The following NXPE2 variants were observed in gnomAD, a reference collection of about 807,000 sequenced individuals.
NXPE2 encodes the protein NXPE family member 2.
Under a neutral mutation model 34.4 loss-of-function variants are expected in NXPE2, and 34 were observed. The observed-to-expected ratio is 0.99, with a 90% CI of 0.75 to 1.31. The LOEUF (loss-of-function observed/expected upper bound fraction) is 1.31, where lower values mean the gene tolerates loss of function less well. Among genes scored for constraint, NXPE2 ranks in the 40% most tolerant of loss-of-function variants. The pLI, the probability that NXPE2 is intolerant of heterozygous loss-of-function variation, is 0.00. For synonymous variants in NXPE2, 235 were observed against 231.3 expected (o/e 1.02, Z -0.15); for missense variants, 649 against 672.5 (o/e 0.97, Z 0.39).
the NXPE2 span, among the ~76,000 whole-genome samples, chr11:114,738,928 T>G: frequency 5.9e-5 from 9 of 152,246 alleles, no homozygotes; most frequent in Non-Finnish European, 1.0e-4. Flanking sequence ...TGTGCTTTAC[T>G]ATTTTATTAA....
At chr11:114,537,887 C>T in the NXPE2 span, among the ~76,000 whole-genome samples, 1 of 152,082 alleles carries the variant, frequency 6.6e-6, no homozygotes, top group African/African-American at 2.4e-5. Flanking sequence ...ATGCCATCCC[C>T]ATCAAGCTAC....
the NXPE2 span, among the ~76,000 whole-genome samples, chr11:114,607,683 C>A: frequency 6.9e-6 from 1 of 145,152 alleles, no homozygotes; most frequent in Non-Finnish European, 1.5e-5. Flanking sequence ...TGTTGAGTTG[C>A]GGGTAACCAC....
At position 114,706,884 on chromosome 11, in the gene NXPE2, A is replaced by G. The variant is rs1206025863; in HGVS notation, c.1634A>G (p.Tyr545Cys). ...YCTNNAHPPD[Y>C]VIQNQIGMFL... ...ACCAACAATGCCCATCCACCGGATT[A>G]TGTGATTCAAAATCAGATTGGCATG... is the stretch of plus-strand genomic sequence containing the variant. Residue 545 changes from tyrosine to cysteine, a missense_variant, in exon 6 of 6, where the codon TAT (tyrosine) becomes TGT (cysteine). Coordinates refer to ENST00000389586, the MANE Select transcript of NXPE2 (RefSeq NM_182495.6). The G allele has an allele frequency of 6.4e-7, 1 of 1,550,984 alleles. No individual in the cohort carries two copies. Among genetic ancestry groups the G allele is most frequent in the African/African-American group, 1.4e-5 (1 of 73,042 alleles).
the NXPE2 span, among the ~76,000 whole-genome samples, chr11:114,532,126 G>A: frequency 6.6e-6 from 1 of 152,154 alleles, no homozygotes; most frequent in Admixed American, 6.6e-5. Flanking sequence ...AGGCCTGGCT[G>A]CACTGCACCC....
At chr11:114,678,948 T>A (rs898208428) in intron 1 of NXPE2, among the ~76,000 whole-genome samples, 11 of 151,512 alleles carry the variant, frequency 7.3e-5, no homozygotes, top group African/African-American at 2.7e-4. Flanking sequence ...TGTTTTTATT[T>A]TTTTTACTAT....
the NXPE2 span, among the ~76,000 whole-genome samples, chr11:114,713,720 G>A: frequency 6.6e-6 from 1 of 152,168 alleles, no homozygotes; most frequent in Admixed American, 6.5e-5. Flanking sequence ...CTGAATCAAC[G>A]TTAGGAGGCA....
At chr11:114,605,911 A>G in the NXPE2 span, among the ~76,000 whole-genome samples, 5 of 151,408 alleles carry the variant, frequency 3.3e-5, no homozygotes, top group African/African-American at 1.2e-4. Context: ...CCGGTTTATA[A>G]TAAGTGTTGC....
chr11:114,519,872 C>T, the NXPE2 span, among the ~76,000 whole-genome samples: 1 of 152,006 alleles, frequency 6.6e-6, no homozygotes, highest in Admixed American at 6.6e-5. Context: ...ACATATTCCT[C>T]ACTGCACAAT....
the NXPE2 span, among the ~76,000 whole-genome samples, chr11:114,647,485 C>T: frequency 1.3e-5 from 2 of 152,034 alleles, no homozygotes; most frequent in East Asian, 1.9e-4. Flanking sequence ...TGTTTTATTT[C>T]CTTAATGCTC....
chr11:114,734,461 T>A, the NXPE2 span, among the ~76,000 whole-genome samples: 29 of 152,306 alleles, frequency 1.9e-4, no homozygotes, highest in South Asian at 5.6e-3. Context: ...TTGGTTTACT[T>A]TTCTTTGTAA....
the NXPE2 span, among the ~76,000 whole-genome samples, chr11:114,801,225 C>T: frequency 1.3e-5 from 2 of 152,002 alleles, no homozygotes; most frequent in African/African-American, 2.4e-5. Flanking sequence ...AGATACTTAA[C>T]CTAGTATATA....
chr11:114,536,651 C>G, the NXPE2 span, among the ~76,000 whole-genome samples: 1 of 152,168 alleles, frequency 6.6e-6, no homozygotes, highest in African/African-American at 2.4e-5. Flanking sequence ...ATACTATAAG[C>G]ACCTCTATGC....
At chr11:114,770,482 C>T in the NXPE2 span, among the ~76,000 whole-genome samples, 1 of 152,258 alleles carries the variant, frequency 6.6e-6, no homozygotes, top group African/African-American at 2.4e-5. Context: ...AATAAAGCAT[C>T]ACTGTTGGGT....
At chr11:114,639,831 T>TTATATTAAAGATAAAATATAATA in the NXPE2 span, among the ~76,000 whole-genome samples, 1 of 107,986 alleles carries the variant, frequency 9.3e-6, no homozygotes, top group Non-Finnish European at 1.7e-5. Flanking sequence ...ATAATATATA[T>TTATATTAAAGATAAAATATAATA]TATATTAAAT....
the NXPE2 span, among the ~76,000 whole-genome samples, chr11:114,516,541 A>G: frequency 3.9e-5 from 6 of 152,160 alleles, no homozygotes; most frequent in Non-Finnish European, 8.8e-5. Context: ...TCTGAGATAG[A>G]TTTTATTGCA....
chr11:114,695,848 C>CAT (rs1951241579), intron 2 of NXPE2, among the ~76,000 whole-genome samples: 1 of 151,180 alleles, frequency 6.6e-6, no homozygotes, highest in Non-Finnish European at 1.5e-5. Context: ...CACACACACA[C>CAT]ACACACACAC....
chr11:114,637,527 G>C, the NXPE2 span, among the ~76,000 whole-genome samples: 1 of 150,806 alleles, frequency 6.6e-6, no homozygotes, highest in Non-Finnish European at 1.5e-5. Flanking sequence ...TGGTTATTTT[G>C]CTCGTTAGTT....
the NXPE2 span, among the ~76,000 whole-genome samples, chr11:114,666,272 G>A: frequency 2.6e-5 from 4 of 152,100 alleles, no homozygotes; most frequent in African/African-American, 9.7e-5. Flanking sequence ...GCTCACAGCA[G>A]CATTTTCATT....
intron 1 of NXPE2, 31 bp from the exon 2 acceptor site, chr11:114,679,626 A>G: frequency 7.4e-7 from 1 of 1,348,192 alleles, no homozygotes; most frequent in Non-Finnish European, 1.0e-6. Flanking sequence ...ATTTGATTTA[A>G]TGTGATTATT....
Sources: allele counts gnomAD v4.1 joint callset (sites outside exome capture counted in the v4.1 genomes callset), GRCh38; gene constraint gnomAD v4.1.1; transcripts MANE v1.5; gene names NCBI Gene and HGNC (gene_info 2026-07-23, HGNC 2026-07-21).